MARCHF1: variants seen among roughly 807,000 people sequenced by gnomAD.
MARCHF1 encodes the protein membrane associated ring-CH-type finger 1, also known as E3 ubiquitin-protein ligase MARCHF1.
MARCHF1 carries 40 observed loss-of-function variants against 54.2 expected under a neutral mutation model. The observed-to-expected ratio is 0.74, with a 90% CI of 0.57 to 0.96. The LOEUF is 0.96. MARCHF1 is among the 40% of genes least tolerant of loss of function. MARCHF1 has a pLI of 0.00. For missense variants in MARCHF1, 586 were observed against 656.5 expected (o/e 0.89, Z 1.17); for synonymous variants, 236 against 236.3 (o/e 1.00, Z 0.01).
intron 4 of MARCHF1, among the ~76,000 whole-genome samples, chr4:163,844,900 G>A (rs1749441084): frequency 1.3e-5 from 2 of 152,108 alleles, no homozygotes; most frequent in Admixed American, 1.3e-4. Context: ...ATTGTGCCAG[G>A]TTAAGAACCA....
intron 3 of MARCHF1, among the ~76,000 whole-genome samples, chr4:163,947,727 T>G (rs571292322): frequency 6.6e-6 from 1 of 152,216 alleles, no homozygotes; most frequent in Non-Finnish European, 1.5e-5. Context: ...ACTAAATGTG[T>G]GGTAGAAGTA....
In MARCHF1 at chr4:164,111,665, G is replaced by C. The variant is rs1347125798; in HGVS notation, c.-322-3C>G. 1 of 151,612 alleles carries C rather than the reference G, an allele frequency of 6.6e-6. No homozygotes were observed. Among genetic ancestry groups the C allele is most frequent in the Non-Finnish European group, 1.5e-5 (1 of 67,684 alleles). The allele number at this position is 151,612 out of a possible 1,614,324, so 9.4% of individuals were successfully genotyped here. A position where few individuals can be genotyped will look rare whatever the true frequency, so the allele number is the denominator to read the frequency against. ...AGAGTTCTTTTGGGGTACATTTCCT[G>C]AAACGAAAATTAAATTAATGTTAAG... is the stretch of plus-strand genomic sequence containing the variant. On this transcript the variant is annotated splice_polypyrimidine_tract_variant and splice_region_variant and intron_variant, in intron 1 of 9. Transcript: ENST00000514618.
At chr4:163,866,927 A>C (rs779608399) in intron 3 of MARCHF1, among the ~76,000 whole-genome samples, 1 of 151,978 alleles carries the variant, frequency 6.6e-6, no homozygotes, top group Non-Finnish European at 1.5e-5. Context: ...ATGAGGTATC[A>C]CAATGACCAA....
chr4:164,018,024 A>G (rs1410328707), intron 2 of MARCHF1, among the ~76,000 whole-genome samples: 1 of 151,988 alleles, frequency 6.6e-6, no homozygotes, highest in Non-Finnish European at 1.5e-5. Context: ...TGATTTTTCT[A>G]CAAATGTGCC....
At chr4:163,681,798 AAC>A (rs1214326258) in intron 5 of MARCHF1, among the ~76,000 whole-genome samples, 1 of 152,212 alleles carries the variant, frequency 6.6e-6, no homozygotes, top group Non-Finnish European at 1.5e-5. Context: ...GCAGTGTGAG[AAC>A]AGACTAATAC....
intron 4 of MARCHF1, among the ~76,000 whole-genome samples, chr4:163,772,033 A>G (rs1377193662): frequency 6.6e-6 from 1 of 152,166 alleles, no homozygotes; most frequent in Admixed American, 6.5e-5. Context: ...TTAGATCAGG[A>G]GCAGAGGCAT....
At chr4:163,593,213 A>G (rs1740649517) in intron 7 of MARCHF1, among the ~76,000 whole-genome samples, 1 of 152,140 alleles carries the variant, frequency 6.6e-6, no homozygotes, top group East Asian at 1.9e-4. Context: ...TTTTCTCTAC[A>G]TTTGCATATG....
At chr4:164,021,324 A>C (rs1461899837) in intron 2 of MARCHF1, among the ~76,000 whole-genome samples, 1 of 152,108 alleles carries the variant, frequency 6.6e-6, no homozygotes. Flanking sequence ...GGGTCATGGT[A>C]ATATCATTTA....
intron 4 of MARCHF1, among the ~76,000 whole-genome samples, chr4:163,808,932 T>G (rs1000534127): frequency 2.0e-5 from 3 of 152,156 alleles, no homozygotes; most frequent in Admixed American, 2.0e-4. Context: ...GCTTGAGTAG[T>G]TGTCAGACGA....
At chr4:163,932,846 T>A (rs1751708740) in intron 3 of MARCHF1, 13 of 627,130 alleles carry the variant, frequency 2.1e-5, no homozygotes, top group South Asian at 1.8e-4. Context: ...CCAATGCAAC[T>A]AATCCAGAGA....
At position 164,340,405 on chromosome 4, in the gene MARCHF1, T is replaced by TTATATATATATATATATA. The variant is rs1554002572; in HGVS notation, c.-323+43464_-323+43465insTATATATATATATATATA. On this transcript the variant is annotated intron_variant, in intron 1 of 9. Transcript: ENST00000514618. ...ACAGCACATGCCACCAGGCCTTGAT[T>TTATATATATATATATATA]TATATATAGATATATATATATATAT... Among the ~76,000 whole-genome samples, 85 of 95,624 alleles carry TTATATATATATATATATA rather than the reference T, an allele frequency of 8.9e-4. 2 individuals carry two copies. In the East Asian group the frequency reaches 0.011, roughly 13 times the overall value. The allele number at this position is 95,624 out of a possible 152,430, so 62.7% of individuals were successfully genotyped here.
chr4:163,683,466 C>G (rs535091007), intron 5 of MARCHF1, among the ~76,000 whole-genome samples: 1 of 152,050 alleles, frequency 6.6e-6, no homozygotes, highest in Admixed American at 6.5e-5. Context: ...AGCCAAACCA[C>G]GTCAATGATC....
intron 1 of MARCHF1, among the ~76,000 whole-genome samples, chr4:164,272,561 C>T (rs1733769112): frequency 6.6e-6 from 1 of 151,370 alleles, no homozygotes; most frequent in Non-Finnish European, 1.5e-5. Context: ...CCAAAAACTT[C>T]CAAAATAAAG....
chr4:163,976,392 G>T (rs1170947738), intron 3 of MARCHF1, among the ~76,000 whole-genome samples: 1 of 152,090 alleles, frequency 6.6e-6, no homozygotes, highest in Non-Finnish European at 1.5e-5. Context: ...AGGTCTTGGC[G>T]AAGGATAAAA....
rs144861734 is a variant in MARCHF1, at chr4:163,606,025, T to C, written c.1010+6246A>G. Among the ~76,000 whole-genome samples, 372 of 152,230 alleles carry C rather than the reference T, an allele frequency of 2.4e-3. 2 individuals carry two copies. The highest frequency in any genetic ancestry group is 8.3e-3 in the African/African-American group (346 of 41,542). On this transcript the variant is annotated intron_variant, in intron 7 of 9. Coordinates refer to ENST00000514618, the MANE Select transcript of MARCHF1 (RefSeq NM_001394959.1). Reference sequence around the variant, plus strand: ...ACCTATGTAACAAACCTGCACGTTCTGCACATGCATCCCAGAACTTGAAGT... The same window carrying C: ...ACCTATGTAACAAACCTGCACGTTCCGCACATGCATCCCAGAACTTGAAGT...
At chr4:164,254,130 C>T (rs1733200437) in intron 1 of MARCHF1, among the ~76,000 whole-genome samples, 2 of 151,984 alleles carry the variant, frequency 1.3e-5, no homozygotes, top group Non-Finnish European at 1.5e-5. Context: ...TTGAGAGAGT[C>T]TCATTCTGTT....
In MARCHF1 at chr4:164,276,947, T is replaced by TATATATATATATAGAGAGAG. The variant is rs1392528920; in HGVS notation, c.-323+106922_-323+106923insCTCTCTCTATATATATATAT. 7.6e-5 allele frequency among the ~76,000 whole-genome samples: 9 copies of TATATATATATATAGAGAGAG among 118,798 alleles called. No individual in the cohort carries two copies. In the South Asian group the frequency reaches 1.0e-3, roughly 14 times the overall value. 77.9% of individuals were successfully genotyped at this position (118,798 alleles called of 152,430 possible). On this transcript the variant is annotated intron_variant, in intron 1 of 9. Coordinates refer to ENST00000514618, the MANE Select transcript of MARCHF1 (RefSeq NM_001394959.1). ...ATGTCTCATATTCTATATATATATA[T>TATATATATATATAGAGAGAG]AGAGAGAGAGAGAGAGAGAGACAGA...
intron 4 of MARCHF1, among the ~76,000 whole-genome samples, chr4:163,731,014 C>T (rs1448243014): frequency 6.6e-6 from 1 of 151,998 alleles, no homozygotes; most frequent in Non-Finnish European, 1.5e-5. Context: ...CCTATATATA[C>T]TTATTTGTGG....
chr4:163,788,640 A>C (rs1240538252), intron 4 of MARCHF1, among the ~76,000 whole-genome samples: 1 of 151,986 alleles, frequency 6.6e-6, no homozygotes, highest in Non-Finnish European at 1.5e-5. Context: ...TTTTGTAAAG[A>C]ACCCCAGAGA....
Sources: allele counts gnomAD v4.1 joint callset (sites outside exome capture counted in the v4.1 genomes callset), GRCh38; gene constraint gnomAD v4.1.1; transcripts MANE v1.5; gene names NCBI Gene and HGNC (gene_info 2026-07-23, HGNC 2026-07-21).